LEKR1: variants seen among roughly 807,000 people sequenced by gnomAD.
LEKR1 encodes the protein leucine, glutamate and lysine rich 1.
Under a neutral mutation model 72.4 loss-of-function variants are expected in LEKR1, and 59 were observed. The observed-to-expected ratio is 0.82, with a 90% confidence interval of 0.66 to 1.01. The LOEUF (loss-of-function observed/expected upper bound fraction) is 1.01. LEKR1 is among the 50% of genes least tolerant of loss of function. The pLI, the probability that LEKR1 is intolerant of heterozygous loss-of-function variation, is 0.00. For missense variants in LEKR1, 728 were observed against 759.2 expected (o/e 0.96, Z 0.48); for synonymous variants, 257 against 263.2 (o/e 0.98, Z 0.23).
Position 156,993,205 on chromosome 3 carries a change from A to G in LEKR1, c.1037A>G (p.Glu346Gly), listed in dbSNP as rs1399713404. 6.2e-7 allele frequency: 1 copy of G among 1,612,724 alleles called. No homozygotes were observed. Among genetic ancestry groups the G allele is most frequent in the Non-Finnish European group, 8.5e-7 (1 of 1,179,342 alleles). Residue 346 changes from glutamate (E) to glycine (G), a missense_variant, in exon 9 of 13, where the codon GAA becomes GGA. Physicochemically the swap from Glu to Gly is moderately conservative, Grantham distance 98. Transcript: ENST00000356539. ...EDIKRRINLA[E>G]NELEITKTLL... ...ATAAAGAGAAGAATTAACCTTGCAGAAAATGAACTGGAGATAACCAAAACT... is the reference window on the plus strand; with the variant it reads ...ATAAAGAGAAGAATTAACCTTGCAGGAAATGAACTGGAGATAACCAAAACT...
intron 5 of LEKR1, among the ~76,000 whole-genome samples, chr3:156,933,303 ATTT>A (rs1725417951): frequency 1.3e-5 from 2 of 151,832 alleles, no homozygotes; most frequent in South Asian, 4.1e-4. Flanking sequence ...TGTTTTTGTT[ATTT>A]TTTGGGTAAA....
At chr3:156,838,644 T>C (rs1179809221) in intron 2 of LEKR1, among the ~76,000 whole-genome samples, 1 of 152,190 alleles carries the variant, frequency 6.6e-6, no homozygotes, top group African/African-American at 2.4e-5. Context: ...AGGAAGGATG[T>C]CTTTCTCCAC....
At chr3:157,042,619 T>G (rs1419910693) in intron 12 of LEKR1, among the ~76,000 whole-genome samples, 5 of 152,206 alleles carry the variant, frequency 3.3e-5, no homozygotes, top group African/African-American at 7.2e-5. Flanking sequence ...TTTGGTTGTT[T>G]TCTCCAGATC....
intron 2 of LEKR1, among the ~76,000 whole-genome samples, chr3:156,831,171 T>C (rs1281469518): frequency 2.0e-5 from 3 of 151,812 alleles, no homozygotes; most frequent in Non-Finnish European, 2.9e-5. Context: ...GTGTAGAAAA[T>C]GGTCCATGTG....
intron 6 of LEKR1, among the ~76,000 whole-genome samples, chr3:156,964,932 G>A (rs1728438213): frequency 6.6e-6 from 1 of 151,936 alleles, no homozygotes; most frequent in Non-Finnish European, 1.5e-5. Context: ...TTCCCTAAAT[G>A]TTTTCAGCTA....
At chr3:156,893,911 C>T (rs889161019) in intron 3 of LEKR1, among the ~76,000 whole-genome samples, 3 of 152,176 alleles carry the variant, frequency 2.0e-5, no homozygotes, top group African/African-American at 7.2e-5. Context: ...CTACCCCTTC[C>T]AAGTTGGGAA....
intron 3 of LEKR1, chr3:156,888,319 C>T: frequency 4.3e-6 from 3 of 702,258 alleles, no homozygotes; most frequent in Non-Finnish European, 7.8e-6. Context: ...CAGACTCATG[C>T]TTAGACTGGA....
At chr3:156,960,109 C>A (rs56757310) in intron 6 of LEKR1, among the ~76,000 whole-genome samples, 6,862 of 152,190 alleles carry the variant, frequency 0.045, 553 homozygotes, top group African/African-American at 0.16. Flanking sequence ...GAACTAAGAC[C>A]TTGGAAGGCC....
At chr3:156,930,357 C>T (rs916364372) in intron 5 of LEKR1, among the ~76,000 whole-genome samples, 5 of 151,706 alleles carry the variant, frequency 3.3e-5, no homozygotes, top group African/African-American at 1.2e-4. Context: ...TTTTTAAAAA[C>T]TCACATGCTT....
intron 12 of LEKR1, among the ~76,000 whole-genome samples, chr3:157,042,794 T>G (rs1735448936): frequency 6.6e-6 from 1 of 152,358 alleles, no homozygotes; most frequent in Admixed American, 6.5e-5. Flanking sequence ...TTTCATTGCT[T>G]TATTTCTTTT....
At chr3:156,848,782 T>A (rs1714947215) in intron 2 of LEKR1, among the ~76,000 whole-genome samples, 1 of 152,168 alleles carries the variant, frequency 6.6e-6, no homozygotes, top group African/African-American at 2.4e-5. Context: ...CTTATAAGGA[T>A]CAACTTTGCA....
intron 7 of LEKR1, among the ~76,000 whole-genome samples, chr3:156,981,858 C>T (rs1242668074): frequency 6.6e-6 from 1 of 152,204 alleles, no homozygotes; most frequent in African/African-American, 2.4e-5. Context: ...CCTGTGCACA[C>T]TCAAACCTCT....
chr3:156,945,833 A>G (rs917579605), intron 6 of LEKR1, among the ~76,000 whole-genome samples: 2 of 151,244 alleles, frequency 1.3e-5, no homozygotes, highest in African/African-American at 4.8e-5. Context: ...GTCAGCACCC[A>G]GTTGTTTTGT....
At chr3:156,965,926 T>C (rs1253062806) in intron 6 of LEKR1, among the ~76,000 whole-genome samples, 1 of 152,212 alleles carries the variant, frequency 6.6e-6, no homozygotes, top group African/African-American at 2.4e-5. Context: ...AAATGAGATA[T>C]TACTTTTGTA....
chr3:156,830,709 G>T (rs561469422), intron 2 of LEKR1, among the ~76,000 whole-genome samples: 1 of 152,168 alleles, frequency 6.6e-6, no homozygotes, highest in Non-Finnish European at 1.5e-5. Flanking sequence ...AGAGTGAGCA[G>T]AGAGTGGTGA....
At chr3:156,907,369 C>T (rs1428058772) in intron 3 of LEKR1, among the ~76,000 whole-genome samples, 1 of 152,000 alleles carries the variant, frequency 6.6e-6, no homozygotes, top group Non-Finnish European at 1.5e-5. Context: ...ATTGATAAAT[C>T]TTGGCATTCT....
At chr3:156,927,346 T>A (rs1192634408) in intron 4 of LEKR1, 83 bp from the exon 5 acceptor site, 1 of 458,858 alleles carries the variant, frequency 2.2e-6, no homozygotes. Flanking sequence ...CTAGATTATA[T>A]GGTCACTCTA....
chr3:156,965,070 A>G (rs1359715645), intron 6 of LEKR1, among the ~76,000 whole-genome samples: 2 of 152,168 alleles, frequency 1.3e-5, no homozygotes, highest in East Asian at 1.9e-4. Flanking sequence ...GTGTGATTTT[A>G]TGCAAAATTT....
chr3:157,003,313 G>T (rs1732154270), intron 9 of LEKR1, among the ~76,000 whole-genome samples: 1 of 152,132 alleles, frequency 6.6e-6, no homozygotes, highest in African/African-American at 2.4e-5. Flanking sequence ...TCATATTATT[G>T]CTGAAGCTGT....
Sources: allele counts gnomAD v4.1 joint callset (sites outside exome capture counted in the v4.1 genomes callset), GRCh38; gene constraint gnomAD v4.1.1; transcripts MANE v1.5; gene names NCBI Gene and HGNC (gene_info 2026-07-23, HGNC 2026-07-21).